Variants in WWOX observed in about 807,000 individuals in gnomAD.
WWOX encodes the protein WW domain containing oxidoreductase.
Under a neutral mutation model 46.2 loss-of-function variants are expected in WWOX, and 69 were observed. That is an observed-to-expected ratio of 1.49 (90% CI 1.23 to 1.82). The LOEUF is 1.82. Among genes scored for constraint, WWOX ranks in the 40% most tolerant of loss-of-function variants. The pLI is 0.00. For missense variants in WWOX, 919 were observed against 542.6 expected, an observed-to-expected ratio of 1.69 and a Z score of -6.89; for synonymous variants, 359 against 202.6, an observed-to-expected ratio of 1.77 and a Z score of -6.56.
At chr16:78,780,334 G>C (rs1031857977) in intron 8 of WWOX, 7 of 152,146 alleles carry the variant, frequency 4.6e-5, no homozygotes, top group Non-Finnish European at 1.0e-4. Flanking sequence ...GAATTGACTG[G>C]TTTATTCATT....
chr16:78,420,467 A>C (rs2082898145), intron 6 of WWOX, among the ~76,000 whole-genome samples: 1 of 152,158 alleles, frequency 6.6e-6, no homozygotes, highest in Non-Finnish European at 1.5e-5. Flanking sequence ...TATATGCTAC[A>C]ACATGGATGA....
At chr16:78,113,975 G>A (rs544816872) in intron 3 of WWOX, among the ~76,000 whole-genome samples, 70 of 151,594 alleles carry the variant, frequency 4.6e-4, no homozygotes, top group African/African-American at 1.5e-3. Context: ...ATATTTAGAG[G>A]CTTCTTAATA....
intron 8 of WWOX, among the ~76,000 whole-genome samples, chr16:78,767,849 C>G (rs184001356): frequency 1.3e-5 from 2 of 152,098 alleles, no homozygotes; most frequent in Admixed American, 1.3e-4. Context: ...GTTTGTGTAT[C>G]TTCTTTGGAG....
intron 8 of WWOX, among the ~76,000 whole-genome samples, chr16:78,645,967 C>G (rs934119855): frequency 6.6e-6 from 1 of 152,092 alleles, no homozygotes; most frequent in Non-Finnish European, 1.5e-5. Flanking sequence ...CAATTCTGTC[C>G]CTGGCTCTGC....
chr16:78,696,687 G>A (rs907175080), intron 8 of WWOX, among the ~76,000 whole-genome samples: 6 of 146,654 alleles, frequency 4.1e-5, no homozygotes, highest in Admixed American at 6.7e-5. Context: ...ACCTGTTTTG[G>A]GGGGGGTACA....
rs150913592 is a variant in WWOX, at chr16:79,178,812, G to C, written c.1057-32796G>C. ...TCCAACTACAATTTTTTTCCTCTTTGCTTTCTTTTGAATAATAGAAACAAT... is the reference window on the plus strand; with the variant it reads ...TCCAACTACAATTTTTTTCCTCTTTCCTTTCTTTTGAATAATAGAAACAAT... On this transcript the variant is annotated intron_variant, in intron 8 of 8. Coordinates refer to ENST00000566780, the MANE Select transcript of WWOX (RefSeq NM_016373.4). Among the ~76,000 whole-genome samples, 134 of 152,056 alleles carry C rather than the reference G, an allele frequency of 8.8e-4. 1 individual carries two copies. In the East Asian group the frequency reaches 0.02, roughly 22 times the overall value.
intron 5 of WWOX, among the ~76,000 whole-genome samples, chr16:78,245,385 C>A (rs1597395916): frequency 6.6e-6 from 1 of 152,142 alleles, no homozygotes; most frequent in African/African-American, 2.4e-5. Flanking sequence ...AAAATTATTT[C>A]TATGGGATTG....
chr16:78,209,367 C>G (rs902487982), intron 5 of WWOX, among the ~76,000 whole-genome samples: 1 of 152,188 alleles, frequency 6.6e-6, no homozygotes, highest in East Asian at 1.9e-4. Flanking sequence ...GTTCCTTCTT[C>G]ATCTAGCTCA....
At chr16:78,374,935 C>G (rs2081784980) in intron 5 of WWOX, among the ~76,000 whole-genome samples, 1 of 152,110 alleles carries the variant, frequency 6.6e-6, no homozygotes, top group Non-Finnish European at 1.5e-5. Flanking sequence ...ATCTGCCTAC[C>G]TCGGCCTCCC....
chr16:78,255,488 A>T (rs1253723985), intron 5 of WWOX, among the ~76,000 whole-genome samples: 1 of 152,240 alleles, frequency 6.6e-6, no homozygotes, highest in Non-Finnish European at 1.5e-5. Context: ...GTCATAGCAA[A>T]GAGAGAGGTA....
chr16:78,783,332 G>C (rs9932331), intron 8 of WWOX, among the ~76,000 whole-genome samples: 9 of 152,078 alleles, frequency 5.9e-5, no homozygotes, highest in Non-Finnish European at 1.0e-4. Context: ...GGCCAGTGGA[G>C]ACAGGCTTGG....
At chr16:78,930,871 A>C (rs74032438) in intron 8 of WWOX, among the ~76,000 whole-genome samples, 2,212 of 152,182 alleles carry the variant, frequency 0.015, 54 homozygotes, top group African/African-American at 0.05. Flanking sequence ...AAGGAGAATG[A>C]CAGTTAAATG....
intron 8 of WWOX, among the ~76,000 whole-genome samples, chr16:78,679,213 A>G (rs950991964): frequency 6.6e-6 from 1 of 152,164 alleles, no homozygotes; most frequent in African/African-American, 2.4e-5. Context: ...CCGAGATCCT[A>G]GAACCCGTTT....
chr16:78,323,996 A>T (rs1362128279), intron 5 of WWOX, among the ~76,000 whole-genome samples: 1 of 152,160 alleles, frequency 6.6e-6, no homozygotes, highest in Admixed American at 6.5e-5. Flanking sequence ...TCCTCCTCCA[A>T]CTTCACTTTC....
chr16:78,199,477 T>G (rs2036163609), intron 5 of WWOX, among the ~76,000 whole-genome samples: 1 of 152,212 alleles, frequency 6.6e-6, no homozygotes, highest in African/African-American at 2.4e-5. Flanking sequence ...TTTCCCTGTG[T>G]TGTATTTCCT....
chr16:78,169,338 A>G (rs2035073468), intron 5 of WWOX, among the ~76,000 whole-genome samples: 1 of 152,018 alleles, frequency 6.6e-6, no homozygotes, highest in Admixed American at 6.6e-5. Flanking sequence ...TGGGACAACG[A>G]TAGGTGTGTC....
intron 5 of WWOX, among the ~76,000 whole-genome samples, chr16:78,225,764 C>T (rs1182732438): frequency 6.6e-6 from 1 of 152,080 alleles, no homozygotes; most frequent in Non-Finnish European, 1.5e-5. Flanking sequence ...GTAATTATTC[C>T]ACCTTAATGC....
chr16:78,487,627 A>G (rs574662515), intron 8 of WWOX, among the ~76,000 whole-genome samples: 1 of 152,264 alleles, frequency 6.6e-6, no homozygotes, highest in South Asian at 2.1e-4. Flanking sequence ...TCTGTCCTGT[A>G]TCTTGGAGAT....
At chr16:78,767,833 C>G (rs187434049) in intron 8 of WWOX, among the ~76,000 whole-genome samples, 12 of 152,238 alleles carry the variant, frequency 7.9e-5, no homozygotes, top group Admixed American at 7.8e-4. Context: ...CACGTGCCTA[C>G]TGGCCGTTTG....
Sources: gnomAD v4.1 joint callset for allele counts (sites outside exome capture counted in the v4.1 genomes callset) on GRCh38, gnomAD v4.1.1 for gene constraint, MANE v1.5 for transcripts, NCBI Gene and HGNC (gene_info 2026-07-23, HGNC 2026-07-21) for gene names.